Variants in ZMYM4 observed in about 807,000 individuals in gnomAD.
The protein encoded by ZMYM4 is zinc finger MYM-type containing 4, also known as zinc finger MYM-type protein 4.
ZMYM4 carries 31 observed loss-of-function variants against 183.2 expected under a neutral mutation model. The observed-to-expected ratio is 0.17, with a 90% CI of 0.13 to 0.23. The LOEUF is 0.23. Among genes scored for constraint, ZMYM4 ranks in the 10% least tolerant of loss-of-function variants. The pLI is 1.00. For synonymous variants in ZMYM4, 592 were observed against 631.2 expected, an observed-to-expected ratio of 0.94 and a Z score of 0.93; for missense variants, 1,273 against 1,840.3, an observed-to-expected ratio of 0.69 and a Z score of 5.64.
chr1:35,357,116 C>T (rs913968709), intron 2 of ZMYM4, among the ~76,000 whole-genome samples: 2 of 152,308 alleles, frequency 1.3e-5, no homozygotes, highest in South Asian at 4.1e-4. Context: ...TCTTGAACTC[C>T]TGGCCTCAAA....
intron 1 of ZMYM4, among the ~76,000 whole-genome samples, chr1:35,324,146 CTTCAG>C (rs1405213750): frequency 6.6e-6 from 1 of 151,876 alleles, no homozygotes; most frequent in Non-Finnish European, 1.5e-5. Context: ...GTATTTATAT[CTTCAG>C]TTCAGGGAAA....
chr1:35,312,472 G>A (rs1641846276), intron 1 of ZMYM4, among the ~76,000 whole-genome samples: 1 of 151,944 alleles, frequency 6.6e-6, no homozygotes, highest in Non-Finnish European at 1.5e-5. Context: ...GCATTGTTGT[G>A]CTACTATTAA....
chr1:35,273,613 C>T (rs1570212087), intron 1 of ZMYM4, among the ~76,000 whole-genome samples: 1 of 152,036 alleles, frequency 6.6e-6, no homozygotes, highest in South Asian at 2.1e-4. Flanking sequence ...GATGTATATA[C>T]CTGGTATGCT....
At chr1:35,402,128 A>T (rs1291313310) in intron 23 of ZMYM4, among the ~76,000 whole-genome samples, 1 of 151,704 alleles carries the variant, frequency 6.6e-6, no homozygotes, top group Non-Finnish European at 1.5e-5. Flanking sequence ...AAAAAAAAAA[A>T]AAAAAAAAGG....
At position 35,421,148 on chromosome 1, in the gene ZMYM4, T is replaced by C. The variant is rs1341484977; in HGVS notation, c.*1471T>C. 1 of 152,664 alleles carries C rather than the reference T, an allele frequency of 6.6e-6. No homozygotes were observed. The highest frequency in any genetic ancestry group is 1.5e-5 in the Non-Finnish European group (1 of 68,046). The allele number at this position is 152,664 out of a possible 1,614,324, so 9.5% of individuals were successfully genotyped here. Reference sequence around the variant, plus strand: ...AGACTTTTCAGGGTATCTCATTTTTTAGGTGGGGGTGGCAGGTGTATTTCT... The same window carrying C: ...AGACTTTTCAGGGTATCTCATTTTTCAGGTGGGGGTGGCAGGTGTATTTCT... On this transcript the variant is annotated 3_prime_UTR_variant, in exon 30 of 30. Transcript: ENST00000314607.
chr1:35,307,834 A>T (rs1641609785), intron 1 of ZMYM4, among the ~76,000 whole-genome samples: 1 of 149,116 alleles, frequency 6.7e-6, no homozygotes, highest in African/African-American at 2.5e-5. Context: ...GCGCCTGGCT[A>T]TTACTATTTT....
intron 13 of ZMYM4, among the ~76,000 whole-genome samples, chr1:35,388,633 C>G (rs776028485): frequency 5.3e-5 from 8 of 152,180 alleles, no homozygotes; most frequent in Non-Finnish European, 7.3e-5. Context: ...TCTAAAAAAT[C>G]AAGATACTCT....
At position 35,385,422 on chromosome 1, in the gene ZMYM4, T is replaced by C. The variant is rs566745778; in HGVS notation, c.1570-20T>C. ...ACTAGGAATTTGTTAAAAATGAATG[T>C]TGTTTTATTCTCTTAATAGAAATCA... On this transcript the variant is annotated intron_variant, in intron 9 of 29. Transcript: ENST00000314607. The C allele has an allele frequency of 3.1e-4, 497 of 1,593,908 alleles. 9 individuals are homozygous for C. In the South Asian group the frequency reaches 5.6e-3, roughly 18 times the overall value.
intron 1 of ZMYM4, among the ~76,000 whole-genome samples, chr1:35,325,121 T>A (rs1014663405): frequency 3.3e-5 from 5 of 152,134 alleles, no homozygotes; most frequent in African/African-American, 1.2e-4. Context: ...AATAAGTAGT[T>A]GTTTATAGTG....
At chr1:35,287,070 C>A (rs574927468) in intron 1 of ZMYM4, among the ~76,000 whole-genome samples, 23 of 151,796 alleles carry the variant, frequency 1.5e-4, no homozygotes, top group African/African-American at 5.5e-4. Context: ...ATTTCTGTTG[C>A]CCTTCCTTCC....
At position 35,350,246 on chromosome 1, in the gene ZMYM4, G is replaced by A. The variant is rs187773104; in HGVS notation, c.86-8679G>A. Among the ~76,000 whole-genome samples the A allele has an allele frequency of 7.5e-5, 11 of 147,596 alleles. No homozygotes were observed. In the East Asian group the frequency reaches 2.0e-3, roughly 26 times the overall value. On this transcript the variant is annotated intron_variant, in intron 2 of 29. Coordinates refer to ENST00000314607, the MANE Select transcript of ZMYM4 (RefSeq NM_005095.3). ...TTGAAAAAAAAAAAAAAAAAAAGTA[G>A]CAATCTCAGGGAATTGTTAGAGAAC...
chr1:35,356,528 C>G (rs1409425190), intron 2 of ZMYM4, among the ~76,000 whole-genome samples: 1 of 152,156 alleles, frequency 6.6e-6, no homozygotes, highest in African/African-American at 2.4e-5. Context: ...ATTATTGCCT[C>G]TACGTTTATT....
At position 35,385,576 on chromosome 1, in the gene ZMYM4, A is replaced by G; in HGVS notation, c.1704A>G (p.Lys568=). 6.2e-7 allele frequency: 1 copy of G among 1,604,830 alleles called. No homozygotes were observed. The highest frequency in any genetic ancestry group is 8.5e-7 in the Non-Finnish European group (1 of 1,177,612). ...ATTGCTTATCTGCTTACAGAGTTAA[A>G]ATGGTTACTTCTGCAGGTAATATTG... is the stretch of plus-strand genomic sequence containing the variant. ...SVNCLSAYRV[K]MVTSAGVQVQ... is the part of the protein sequence containing the mutation. The change falls in exon 10 of 30, where the codon AAA becomes AAG. Residue 568 remains lysine, a synonymous_variant. Coordinates refer to ENST00000314607, the MANE Select transcript of ZMYM4 (RefSeq NM_005095.3).
At chr1:35,385,860 G>A (rs1375723744) in intron 10 of ZMYM4, among the ~76,000 whole-genome samples, 1 of 151,852 alleles carries the variant, frequency 6.6e-6, no homozygotes, top group Non-Finnish European at 1.5e-5. Context: ...CATTTATCTG[G>A]TAGTTTCAGG....
chr1:35,415,902 A>G (rs938470639), intron 28 of ZMYM4, among the ~76,000 whole-genome samples, 188 bp downstream of exon 28: 2 of 152,236 alleles, frequency 1.3e-5, no homozygotes, highest in Non-Finnish European at 2.9e-5. Flanking sequence ...CACGTGCTTC[A>G]ATATACTTTC....
rs1025621329 is a variant in ZMYM4, at chr1:35,323,832, G to A, written c.40-1528G>A. Reference sequence around the variant, plus strand: ...GCCTCCCAAAGTGCTGGGATTACAGGCGTGAGTCACCACACCTGGCCCAGA... The same window carrying A: ...GCCTCCCAAAGTGCTGGGATTACAGACGTGAGTCACCACACCTGGCCCAGA... On this transcript the variant is annotated intron_variant, in intron 1 of 29. Transcript: ENST00000314607. Among the ~76,000 whole-genome samples the A allele has an allele frequency of 7.0e-4, 106 of 152,180 alleles. 1 individual carries two copies. Among genetic ancestry groups the A allele is most frequent in the Non-Finnish European group, 1.3e-4 (9 of 67,992 alleles).
chr1:35,361,885 G>A (rs993849329), intron 5 of ZMYM4, 96 bp downstream of exon 5: 2 of 1,466,482 alleles, frequency 1.4e-6, no homozygotes, highest in African/African-American at 2.8e-5. Flanking sequence ...ATAGTTTGTT[G>A]ACAGGGTGAA....
intron 15 of ZMYM4, among the ~76,000 whole-genome samples, chr1:35,390,300 C>T: frequency 6.6e-6 from 1 of 152,152 alleles, no homozygotes; most frequent in South Asian, 2.1e-4. Context: ...ACCAAACAGG[C>T]TTTGTGTGAG....
chr1:35,339,279 A>G (rs1034886984), intron 2 of ZMYM4, among the ~76,000 whole-genome samples: 1 of 152,020 alleles, frequency 6.6e-6, no homozygotes, highest in African/African-American at 2.4e-5. Context: ...TTGTCACCCA[A>G]GCTGGAGTGC....
Sources: allele counts gnomAD v4.1 joint callset (sites outside exome capture counted in the v4.1 genomes callset), GRCh38; gene constraint gnomAD v4.1.1; transcripts MANE v1.5; gene names NCBI Gene and HGNC (gene_info 2026-07-23, HGNC 2026-07-21).